Variants in HDAC9 observed in about 807,000 individuals in gnomAD.
The protein encoded by HDAC9 is histone deacetylase 9.
A neutral mutation model predicts 139.4 loss-of-function variants in HDAC9; 41 were observed. That is an observed-to-expected ratio of 0.29 (90% CI 0.23 to 0.38). The LOEUF (loss-of-function observed/expected upper bound fraction) is 0.38, where lower values mean the gene tolerates loss of function less well. Among genes scored for constraint, HDAC9 ranks in the 10% least tolerant of loss-of-function variants. HDAC9 has a pLI of 1.00. For synonymous variants in HDAC9, 517 were observed against 476.2 expected (o/e 1.09, Z -1.12); for missense variants, 1,147 against 1,297.0 (o/e 0.88, Z 1.78).
chr7:18,703,376 ATAAT>A (rs768229569), intron 12 of HDAC9, among the ~76,000 whole-genome samples: 1 of 152,170 alleles, frequency 6.6e-6, no homozygotes, highest in Non-Finnish European at 1.5e-5. Flanking sequence ...GTTTCCCCAA[ATAAT>A]TAATTTTTTA....
chr7:18,855,759 A>G (rs113567135), intron 21 of HDAC9, among the ~76,000 whole-genome samples: 2,257 of 152,180 alleles, frequency 0.015, 66 homozygotes, highest in African/African-American at 0.05. Context: ...AGCCAAATCC[A>G]GGTCAAGCTG....
intron 1 of HDAC9, among the ~76,000 whole-genome samples, chr7:18,348,867 C>T (rs996384400): frequency 1.3e-5 from 2 of 152,100 alleles, no homozygotes; most frequent in East Asian, 1.9e-4. Context: ...ATTATTTAAT[C>T]TTCACAGTAG....
intron 12 of HDAC9, among the ~76,000 whole-genome samples, chr7:18,676,492 G>A (rs111350082): frequency 0.016 from 2,433 of 152,070 alleles, 57 homozygotes; most frequent in African/African-American, 0.048. Flanking sequence ...TTAACATGGT[G>A]AAGAATAAGT....
chr7:18,638,820 G>A (rs958210604), intron 8 of HDAC9, among the ~76,000 whole-genome samples: 1 of 152,018 alleles, frequency 6.6e-6, no homozygotes, highest in Non-Finnish European at 1.5e-5. Context: ...GATTGTTGGA[G>A]CTACTTGCTT....
At chr7:18,714,047 C>A (rs1784531792) in intron 12 of HDAC9, among the ~76,000 whole-genome samples, 1 of 152,102 alleles carries the variant, frequency 6.6e-6, no homozygotes, top group Non-Finnish European at 1.5e-5. Flanking sequence ...ACCACTTATT[C>A]TGGAAGAAAA....
chr7:18,509,691 A>G (rs1166979857), intron 2 of HDAC9, among the ~76,000 whole-genome samples: 1 of 152,176 alleles, frequency 6.6e-6, no homozygotes, highest in Non-Finnish European at 1.5e-5. Flanking sequence ...AATGTCTGAC[A>G]CCATCACTGA....
At chr7:18,793,244 T>C (rs1792488515) in intron 16 of HDAC9, 101 bp from the exon 17 acceptor site, 2 of 770,302 alleles carry the variant, frequency 2.6e-6, no homozygotes, top group Admixed American at 4.1e-5. Flanking sequence ...TCTCTCTCTG[T>C]CCCTCTTCCC....
chr7:18,183,220 A>G (rs1039062175), intron 2 of HDAC9, among the ~76,000 whole-genome samples: 48 of 152,236 alleles, frequency 3.2e-4, no homozygotes, highest in Middle Eastern at 6.8e-3. Flanking sequence ...CGTGTTAGCC[A>G]GGATGGTCTT....
chr7:18,725,817 G>T (rs1338227863), intron 12 of HDAC9, among the ~76,000 whole-genome samples: 1 of 152,126 alleles, frequency 6.6e-6, no homozygotes, highest in Non-Finnish European at 1.5e-5. Flanking sequence ...TGTGTCCTCA[G>T]AACACTGAAC....
Position 18,593,970 on chromosome 7 carries a change from A to G in HDAC9, c.605A>G (p.Tyr202Cys), listed in dbSNP as rs557675576. 78 of 1,612,842 alleles carry G rather than the reference A, an allele frequency of 4.8e-5. No individual in the cohort carries two copies. In the South Asian group the frequency reaches 6.4e-4, roughly 13 times the overall value. The change falls in exon 6 of 26, where the codon TAC becomes TGC. Residue 202 changes from tyrosine to cysteine, a missense_variant. Around this residue, in one of 7 missense-constraint regions of HDAC9, gnomAD observed 79 missense variants for 65.8 expected, o/e 1.20. Coordinates refer to ENST00000686413, the MANE Select transcript of HDAC9 (RefSeq NM_178425.4). ...CCCCTTAGTGGAACATCTCCATCCTACAAGTACACATTACCAGGAGCACAA... is the reference window on the plus strand; with the variant it reads ...CCCCTTAGTGGAACATCTCCATCCTGCAAGTACACATTACCAGGAGCACAA... Reference protein sequence around the residue: ...SPPLSGTSPSYKYTLPGAQDA... With the variant: ...SPPLSGTSPSCKYTLPGAQDA...
intron 2 of HDAC9, among the ~76,000 whole-genome samples, chr7:18,535,532 A>G (rs977808599): frequency 6.6e-6 from 1 of 151,866 alleles, no homozygotes; most frequent in Non-Finnish European, 1.5e-5. Flanking sequence ...TCTCTCAATG[A>G]TGATCTCTAT....
At chr7:18,736,106 G>T (rs1195456159) in intron 13 of HDAC9, among the ~76,000 whole-genome samples, 1 of 152,210 alleles carries the variant, frequency 6.6e-6, no homozygotes, top group East Asian at 1.9e-4. Context: ...CTTTGCTGAA[G>T]TTGCTTATCA....
At chr7:18,974,810 C>T (rs1211119339) in intron 24 of HDAC9, among the ~76,000 whole-genome samples, 2 of 152,204 alleles carry the variant, frequency 1.3e-5, no homozygotes, top group Admixed American at 6.5e-5. Context: ...TGAAAAGCCT[C>T]ACTAATGTCA....
chr7:18,476,045 G>T (rs1795088792), intron 1 of HDAC9, among the ~76,000 whole-genome samples: 1 of 152,074 alleles, frequency 6.6e-6, no homozygotes, highest in Non-Finnish European at 1.5e-5. Flanking sequence ...TGCATGTTTG[G>T]TCTCCATTAG....
chr7:18,286,260 A>G (rs142931175), upstream of HDAC9, among the ~76,000 whole-genome samples: 210 of 152,044 alleles, frequency 1.4e-3, 4 homozygotes, highest in East Asian at 0.036. Flanking sequence ...AGAAAAGGTA[A>G]TATCTCTAAA....
Position 18,999,618 on chromosome 7 carries a change from T to A in HDAC9, c.*3556T>A, listed in dbSNP as rs1223312254. 2 of 152,174 alleles carry A rather than the reference T, an allele frequency of 1.3e-5. No homozygotes were observed. The highest frequency in any genetic ancestry group is 2.9e-5 in the Non-Finnish European group (2 of 68,050). The allele number at this position is 152,174 out of a possible 1,614,324, so 9.4% of individuals were successfully genotyped here. A position where few individuals can be genotyped will look rare whatever the true frequency, so the allele number is the denominator to read the frequency against. ...CACGTCTGGCTAATTTTTGTATTTT[T>A]AGTAGAGACGGGGTTTCTCCATGTT... On this transcript the variant is annotated 3_prime_UTR_variant, in exon 26 of 26. Transcript: ENST00000686413.
At chr7:18,125,135 A>G (rs1045243643) in intron 1 of HDAC9, among the ~76,000 whole-genome samples, 5 of 152,062 alleles carry the variant, frequency 3.3e-5, no homozygotes, top group African/African-American at 1.2e-4. Flanking sequence ...GAGGAAGTTG[A>G]CTCGTGGCTG....
At chr7:18,967,605 T>C (rs536332786) in intron 24 of HDAC9, among the ~76,000 whole-genome samples, 7 of 151,638 alleles carry the variant, frequency 4.6e-5, no homozygotes, top group African/African-American at 1.5e-4. Flanking sequence ...TGCATTGATA[T>C]ACAAATCTAA....
chr7:18,974,473 G>C (rs1784434247), intron 24 of HDAC9, among the ~76,000 whole-genome samples: 1 of 152,118 alleles, frequency 6.6e-6, no homozygotes, highest in Admixed American at 6.5e-5. Context: ...AAGCATCTTT[G>C]TGTCCTCGAC....
Sources: allele counts gnomAD v4.1 joint callset (sites outside exome capture counted in the v4.1 genomes callset), GRCh38; gene constraint gnomAD v4.1.1; regional missense constraint gnomAD v4.1.1; transcripts MANE v1.5; gene names NCBI Gene and HGNC (gene_info 2026-07-23, HGNC 2026-07-21).